The following TTI2 variants were observed in gnomAD, a reference collection of about 807,000 sequenced individuals.
TTI2 encodes the protein TELO2 interacting protein 2.
Under a neutral mutation model 44.9 loss-of-function variants are expected in TTI2, and 26 were observed. The observed-to-expected ratio is 0.58, with a 90% CI of 0.42 to 0.80. The LOEUF (loss-of-function observed/expected upper bound fraction) is 0.80, where lower values mean the gene tolerates loss of function less well. Among genes scored for constraint, TTI2 ranks in the 30% least tolerant of loss-of-function variants. The pLI is 0.00. For missense variants in TTI2, 582 were observed against 611.6 expected (o/e 0.95, Z 0.51); for synonymous variants, 254 against 250.9 (o/e 1.01, Z -0.12).
chr8:33,499,517 T>A (rs1808985908), intron 7 of TTI2: 1 of 416,682 alleles, frequency 2.4e-6, no homozygotes, highest in East Asian at 4.6e-5. Context: ...AATCTCCTGC[T>A]GGCTCATGAA....
intron 6 of TTI2, among the ~76,000 whole-genome samples, chr8:33,502,393 A>T (rs947879656): frequency 6.6e-6 from 1 of 152,248 alleles, no homozygotes; most frequent in Non-Finnish European, 1.5e-5. Flanking sequence ...TAATCTTCTA[A>T]TATGCATTCT....
intron 6 of TTI2, chr8:33,501,260 A>T (rs1809068257): frequency 6.6e-6 from 1 of 152,254 alleles, no homozygotes; most frequent in Non-Finnish European, 1.5e-5. Context: ...ATTTATGGAC[A>T]GATGCGTGAC....
chr8:33,503,355 G>T, intron 6 of TTI2, 74 bp downstream of exon 6: 1 of 1,594,980 alleles, frequency 6.3e-7, no homozygotes, highest in South Asian at 1.1e-5. Context: ...ACTTTGTACT[G>T]AATGTATTAA....
At position 33,504,464 on chromosome 8, in the gene TTI2, CTT is replaced by C. The variant is rs538674725; in HGVS notation, c.928-531_928-530del. On this transcript the variant is annotated intron_variant, in intron 4 of 7. Transcript: ENST00000431156. ...GGTGTGCACCACCACACTTGGCTAA[CTT>C]TTCTATTTTTTAGTAGAGACAAAGT... Among the ~76,000 whole-genome samples, 676 of 151,624 alleles carry C rather than the reference CTT, an allele frequency of 4.5e-3. 8 individuals are homozygous for C. Among genetic ancestry groups the C allele is most frequent in the Admixed American group, 0.031 (466 of 15,186 alleles).
intron 4 of TTI2, among the ~76,000 whole-genome samples, chr8:33,504,586 C>T (rs1809231043): frequency 6.6e-6 from 1 of 151,852 alleles, no homozygotes; most frequent in Admixed American, 6.6e-5. Context: ...TTTGGCTTCC[C>T]TGGGTCACAG....
chr8:33,503,531 C>G lies in TTI2; in HGVS notation c.1157G>C (p.Arg386Thr), dbSNP rs200737331. The G allele has an allele frequency of 1.2e-6, 2 of 1,614,116 alleles. No individual in the cohort carries two copies. Among genetic ancestry groups the G allele is most frequent in the Non-Finnish European group, 8.5e-7 (1 of 1,180,026 alleles). The change falls in exon 6 of 8, where the codon AGA (arginine) becomes ACA (threonine). Residue 386 changes from arginine (R) to threonine (T), a missense_variant. Physicochemically the swap from Arg to Thr is moderately conservative, Grantham distance 71. Transcript: ENST00000431156. ...LTVRHLKRLE[R>T]VIIGYLEVYD... ...AACCTCCAGATAACCAATGATGACTCTCTCCAGCCTCTTTAAGTGCCGGAC... is the reference window on the plus strand; with the variant it reads ...AACCTCCAGATAACCAATGATGACTGTCTCCAGCCTCTTTAAGTGCCGGAC...
At chr8:33,500,784 G>T in intron 6 of TTI2, 2 of 313,778 alleles carry the variant, frequency 6.4e-6, no homozygotes, top group Non-Finnish European at 1.2e-5. Context: ...GCTGAGAAGG[G>T]GAAACCAGGA....
chr8:33,499,275 AC>A lies in TTI2; in HGVS notation c.1424del (p.Gly475ValfsTer16). ...AGCTTTGGGGAATTTTGGCCAGGAG[AC>A]CCTGAAACATGAAACCAAACAGGCT... ...LDRCSQGRVKGLLAKIPQSCE... is the reference protein window; with the variant it reads ...LDRCSQGRVKXLLAKIPQSCE... On this transcript the variant is annotated frameshift_variant and splice_region_variant, in exon 8 of 8. Coordinates refer to ENST00000431156, the MANE Select transcript of TTI2 (RefSeq NM_001102401.4). LOFTEE classifies it low-confidence loss of function (END_TRUNC). 6.2e-7 allele frequency: 1 copy of A among 1,609,950 alleles called. No homozygotes were observed. Among genetic ancestry groups the A allele is most frequent in the Non-Finnish European group, 8.5e-7 (1 of 1,177,676 alleles).
chr8:33,507,431 CA>C, intron 3 of TTI2, 110 bp from the exon 4 acceptor site: 1 of 859,214 alleles, frequency 1.2e-6, no homozygotes, highest in East Asian at 2.6e-5. Flanking sequence ...CATGCCATCC[CA>C]AAATATGCAT....
In TTI2 at chr8:33,507,371, C is replaced by T. The variant is rs73672095; in HGVS notation, c.835-50G>A. The T allele has an allele frequency of 1.1e-4, 167 of 1,517,136 alleles. No individual in the cohort carries two copies. In the African/African-American group the frequency reaches 2.1e-3, roughly 19 times the overall value. 94.0% of individuals were successfully genotyped at this position (1,517,136 alleles called of 1,614,324 possible). On this transcript the variant is annotated intron_variant, in intron 3 of 7. Transcript: ENST00000431156. ...TAAAAGAATAGTTTCCCAAGATTGGCACATGTTGACTATCTTTGAAATTGG... is the reference window on the plus strand; with the variant it reads ...TAAAAGAATAGTTTCCCAAGATTGGTACATGTTGACTATCTTTGAAATTGG...
chr8:33,510,446 G>T (rs1170890952), intron 2 of TTI2, among the ~76,000 whole-genome samples: 1 of 152,018 alleles, frequency 6.6e-6, no homozygotes, highest in African/African-American at 2.4e-5. Flanking sequence ...GCACCATCTG[G>T]GTTCACTGCA....
chr8:33,499,563 T>C, intron 7 of TTI2: 1 of 331,876 alleles, frequency 3.0e-6, no homozygotes, highest in Non-Finnish European at 5.6e-6. Context: ...TTCAGTTGGA[T>C]CTAGGGCTTG....
chr8:33,501,248 A>G (rs959281558), intron 6 of TTI2: 7 of 152,240 alleles, frequency 4.6e-5, no homozygotes, highest in African/African-American at 1.7e-4. Flanking sequence ...ACAATAAATC[A>G]TATTTATGGA....
chr8:33,499,374 G>T, intron 7 of TTI2, 97 bp from the exon 8 acceptor site: 1 of 868,312 alleles, frequency 1.2e-6, no homozygotes, highest in Non-Finnish European at 1.9e-6. Flanking sequence ...ATTCAAAGGA[G>T]GAAAGAATGG....
rs1015577013 is a variant in TTI2, at chr8:33,503,934, G to A, written c.929C>T (p.Ala310Val). 1 of 1,613,998 alleles carries A rather than the reference G, an allele frequency of 6.2e-7. No homozygotes were observed. The highest frequency in any genetic ancestry group is 8.5e-7 in the Non-Finnish European group (1 of 1,180,008). Residue 310 changes from alanine to valine, a missense_variant and splice_region_variant, in exon 5 of 8, where the codon GCT (alanine) becomes GTT (valine). Coordinates refer to ENST00000431156, the MANE Select transcript of TTI2 (RefSeq NM_001102401.4). Reference protein sequence around the residue: ...LYTPEHHLIQAVLLCLLDLFP... With the variant: ...LYTPEHHLIQVVLLCLLDLFP... ...TAAATCCAGCAGACACAGGAGCACA[G>A]CCTAGGAGGAAGGAATGGAAGGACG...
At chr8:33,511,427 T>C (rs567677390) in intron 2 of TTI2, among the ~76,000 whole-genome samples, 1 of 152,280 alleles carries the variant, frequency 6.6e-6, no homozygotes, top group East Asian at 1.9e-4. Context: ...GAAAGAGCAT[T>C]GGACAACTGA....
At chr8:33,509,673 C>G in intron 3 of TTI2, 73 bp downstream of exon 3, 1 of 1,442,000 alleles carries the variant, frequency 6.9e-7, no homozygotes, top group Non-Finnish European at 9.8e-7. Flanking sequence ...CTTAGCATTA[C>G]TAGAAATGAA....
chr8:33,500,518 A>G lies in TTI2; in HGVS notation c.1260-28T>C, dbSNP rs773730806. ...GGAATCAGGAAGAAAAGCTATGTTC[A>G]TACTCTAAATCTGGATATTAAAATT... On this transcript the variant is annotated intron_variant, in intron 6 of 7. Transcript: ENST00000431156. 4 of 1,612,936 alleles carry G rather than the reference A, an allele frequency of 2.5e-6. No homozygotes were observed. In the East Asian group the frequency reaches 6.7e-5, roughly 27 times the overall value.
chr8:33,508,480 G>A (rs1809385612), intron 3 of TTI2, among the ~76,000 whole-genome samples: 1 of 151,972 alleles, frequency 6.6e-6, no homozygotes, highest in South Asian at 2.1e-4. Context: ...GCATGGTGGT[G>A]CGTTCCTGTA....
Sources: gnomAD v4.1 joint callset for allele counts (sites outside exome capture counted in the v4.1 genomes callset) on GRCh38, gnomAD v4.1.1 for gene constraint, MANE v1.5 for transcripts, NCBI Gene and HGNC (gene_info 2026-07-23, HGNC 2026-07-21) for gene names.